Variants in IGSF10 observed in about 807,000 individuals in gnomAD.
IGSF10 encodes the protein calvaria mechanical force protein 608.
Under a neutral mutation model 128.2 loss-of-function variants are expected in IGSF10, and 126 were observed. The observed-to-expected ratio is 0.98, with a 90% CI of 0.85 to 1.14. The LOEUF is 1.14. Ranked by LOEUF, IGSF10 falls within the 50% of genes most tolerant of loss-of-function variation. The pLI, the probability that IGSF10 is intolerant of heterozygous loss-of-function variation, is 0.00. For synonymous variants in IGSF10, 1,185 were observed against 1,146.2 expected, an observed-to-expected ratio of 1.03 and a Z score of -0.68; for missense variants, 3,295 against 3,149.8, an observed-to-expected ratio of 1.05 and a Z score of -1.10.
the IGSF10 span, among the ~76,000 whole-genome samples, chr3:151,588,409 C>A: frequency 6.6e-6 from 1 of 152,098 alleles, no homozygotes; most frequent in Non-Finnish European, 1.5e-5. Context: ...TAACTGAATT[C>A]CAAATGTTTT....
Position 151,447,489 on chromosome 3 carries a change from C to T in IGSF10, c.2492G>A (p.Ser831Asn), listed in dbSNP as rs552157123. The T allele has an allele frequency of 4.8e-5, 78 of 1,614,132 alleles. No homozygotes were observed. The South Asian group carries it at 8.6e-4, about 18-fold the overall frequency. The change falls in exon 6 of 8, where the codon AGT becomes AAT. Residue 831 changes from serine (S) to asparagine (N), a missense_variant. Coordinates refer to ENST00000282466, the MANE Select transcript of IGSF10 (RefSeq NM_178822.5). The part of the protein sequence containing the change: ...VTADSRTISD[S>N]PMTNINYGTE... ...GCCATAATTTATGTTTGTCATAGGACTATCAGATATTGTTCTGGAGTCAGC... is the reference window on the plus strand; with the variant it reads ...GCCATAATTTATGTTTGTCATAGGATTATCAGATATTGTTCTGGAGTCAGC...
downstream of IGSF10, chr3:151,435,569 T>C (rs1027466060): frequency 1.3e-5 from 2 of 152,166 alleles, no homozygotes; most frequent in African/African-American, 4.8e-5. Flanking sequence ...TTTTGTGCAC[T>C]GAGATATCTA....
Position 151,453,670 on chromosome 3 carries a change from A to T in IGSF10, c.429T>A (p.Phe143Leu). The change falls in exon 5 of 8, where the codon TTT (phenylalanine) becomes TTA (leucine). Residue 143 changes from phenylalanine to leucine, a missense_variant. Physicochemically the swap from Phe to Leu is conservative, Grantham distance 22. Transcript: ENST00000282466. ...GCCCATAAAAAACCTCTGGGTTTAT[A>T]AACTCAATATTGTTGTGGTCCATGT... ...RLHMDHNNIE[F>L]INPEVFYGLN... 6.2e-7 allele frequency: 1 copy of T among 1,613,712 alleles called. No individual in the cohort carries two copies. The highest frequency in any genetic ancestry group is 8.5e-7 in the Non-Finnish European group (1 of 1,179,572).
At chr3:151,457,979 G>A (rs1721877676) in intron 3 of IGSF10, among the ~76,000 whole-genome samples, 1 of 152,118 alleles carries the variant, frequency 6.6e-6, no homozygotes, top group African/African-American at 2.4e-5. Context: ...AGTCCAACAT[G>A]TGTATTCAGA....
the IGSF10 span, among the ~76,000 whole-genome samples, chr3:151,574,552 T>C: frequency 2.2e-4 from 33 of 152,386 alleles, no homozygotes; most frequent in African/African-American, 7.9e-4. Flanking sequence ...TCTCATGCCA[T>C]GGTTTTCAGC....
the IGSF10 span, among the ~76,000 whole-genome samples, chr3:151,551,887 C>T: frequency 6.6e-6 from 1 of 152,086 alleles, no homozygotes. Flanking sequence ...CTAGTCTTAG[C>T]TGTGATTCAA....
chr3:151,617,332 TCCC>T, the IGSF10 span, among the ~76,000 whole-genome samples: 12 of 136,318 alleles, frequency 8.8e-5, no homozygotes, highest in African/African-American at 3.3e-4. Flanking sequence ...CTCCTCCTCC[TCCC>T]CCTCCTCCTC....
chr3:151,563,679 T>G, the IGSF10 span, among the ~76,000 whole-genome samples: 3 of 152,166 alleles, frequency 2.0e-5, no homozygotes, highest in Non-Finnish European at 4.4e-5. Context: ...AGAATTTGGT[T>G]TCCTGTAGTT....
At chr3:151,435,014 T>G (rs1342450294), downstream of IGSF10, 1 of 151,970 alleles carries the variant, frequency 6.6e-6, no homozygotes, top group African/African-American at 2.4e-5. Context: ...CTAGAATTAC[T>G]TTAGTCTTCA....
At chr3:151,569,100 C>T in the IGSF10 span, among the ~76,000 whole-genome samples, 1 of 152,198 alleles carries the variant, frequency 6.6e-6, no homozygotes, top group Non-Finnish European at 1.5e-5. Context: ...GAGACCGAAT[C>T]TTGCTCTGTT....
At chr3:151,478,166 C>CA in the IGSF10 span, among the ~76,000 whole-genome samples, 1 of 152,116 alleles carries the variant, frequency 6.6e-6, no homozygotes, top group Non-Finnish European at 1.5e-5. Flanking sequence ...AGTGGCAAAA[C>CA]AAAACAAACA....
the IGSF10 span, among the ~76,000 whole-genome samples, chr3:151,613,531 A>G: frequency 1.1e-4 from 16 of 152,352 alleles, no homozygotes; most frequent in African/African-American, 3.1e-4. Context: ...CATATCTACA[A>G]CTATCTGATC....
chr3:151,465,741 T>C (rs1332003788), upstream of IGSF10, among the ~76,000 whole-genome samples: 2 of 152,176 alleles, frequency 1.3e-5, no homozygotes, highest in African/African-American at 4.8e-5. Context: ...AGGATACCAA[T>C]GGTGCTGTTA....
chr3:151,509,447 C>A, the IGSF10 span, among the ~76,000 whole-genome samples: 1 of 152,120 alleles, frequency 6.6e-6, no homozygotes, highest in Non-Finnish European at 1.5e-5. Context: ...CCAAGACGAC[C>A]ATGTTTTCCT....
Position 151,446,640 on chromosome 3 carries a change from T to TA in IGSF10, c.3340_3341insT (p.Glu1114ValfsTer19). 1 of 1,614,128 alleles carries TA rather than the reference T, an allele frequency of 6.2e-7. No individual in the cohort carries two copies. Among genetic ancestry groups the TA allele is most frequent in the African/African-American group, 1.3e-5 (1 of 75,052 alleles). On this transcript the variant is annotated frameshift_variant, in exon 6 of 8. Transcript: ENST00000282466. LOFTEE classifies it high-confidence loss of function. Reference sequence around the variant, plus strand: ...TGTTTTCTCTACACTGGGTTTGTTCTCAAGTAGTAATAGTGGATTCTGGAC... The same window carrying TA: ...TGTTTTCTCTACACTGGGTTTGTTCTACAAGTAGTAATAGTGGATTCTGGAC...
At chr3:151,580,697 G>A in the IGSF10 span, among the ~76,000 whole-genome samples, 1 of 152,110 alleles carries the variant, frequency 6.6e-6, no homozygotes, top group Non-Finnish European at 1.5e-5. Context: ...CTGTCTATAA[G>A]GGAGCTTACT....
chr3:151,555,343 C>A, the IGSF10 span, among the ~76,000 whole-genome samples: 1 of 151,814 alleles, frequency 6.6e-6, no homozygotes, highest in African/African-American at 2.4e-5. Context: ...GGCCACTTTG[C>A]AAGCAGAATT....
the IGSF10 span, among the ~76,000 whole-genome samples, chr3:151,601,173 G>T: frequency 6.6e-6 from 1 of 151,922 alleles, no homozygotes; most frequent in Admixed American, 6.6e-5. Context: ...TTAATATTTT[G>T]GTGACACATC....
chr3:151,546,276 C>T, the IGSF10 span, among the ~76,000 whole-genome samples: 5 of 152,124 alleles, frequency 3.3e-5, no homozygotes, highest in Admixed American at 6.5e-5. Context: ...GCATTATCTA[C>T]ACCACCAAGA....
Sources: gnomAD v4.1 joint callset for allele counts (sites outside exome capture counted in the v4.1 genomes callset) on GRCh38, gnomAD v4.1.1 for gene constraint, MANE v1.5 for transcripts, NCBI Gene and HGNC (gene_info 2026-07-23, HGNC 2026-07-21) for gene names.